The following FARP1 variants were observed in gnomAD, a reference collection of about 807,000 sequenced individuals.
FARP1 encodes the protein FERM, ARHGEF and pleckstrin domain-containing protein 1.
FARP1 carries 52 observed loss-of-function variants against 128.8 expected under a neutral mutation model. The ratio of observed to expected loss-of-function variants is 0.40; its 90% confidence interval spans 0.32 to 0.51. The LOEUF (loss-of-function observed/expected upper bound fraction) is 0.51. Among genes scored for constraint, FARP1 ranks in the 20% least tolerant of loss-of-function variants. The pLI is 0.45. For missense variants in FARP1, 1,333 were observed against 1,367.9 expected (o/e 0.97, Z 0.40); for synonymous variants, 580 against 551.8 (o/e 1.05, Z -0.72).
chr13:98,318,476 G>T (rs570927197), intron 2 of FARP1, among the ~76,000 whole-genome samples: 1 of 152,168 alleles, frequency 6.6e-6, no homozygotes, highest in Non-Finnish European at 1.5e-5. Context: ...TTAGGACTTC[G>T]ACCTGTAAAT....
intron 2 of FARP1, among the ~76,000 whole-genome samples, chr13:98,240,340 C>G (rs1341882407): frequency 6.6e-6 from 1 of 152,010 alleles, no homozygotes; most frequent in Non-Finnish European, 1.5e-5. Context: ...GGGAGTCTTG[C>G]CTGCGTGGTG....
intron 16 of FARP1, among the ~76,000 whole-genome samples, chr13:98,414,605 T>C (rs1891309179): frequency 6.6e-6 from 1 of 152,206 alleles, no homozygotes; most frequent in South Asian, 2.1e-4. Flanking sequence ...AGCCCTGTTA[T>C]ATCAGAGTCT....
intron 2 of FARP1, among the ~76,000 whole-genome samples, chr13:98,309,137 A>ATTAATT: frequency 7.1e-6 from 1 of 140,774 alleles, no homozygotes; most frequent in South Asian, 2.3e-4. Context: ...ATATATTAAT[A>ATTAATT]TTAATTTTAA....
intron 1 of FARP1, among the ~76,000 whole-genome samples, chr13:98,194,364 G>A (rs767374522): frequency 6.6e-6 from 1 of 152,148 alleles, no homozygotes; most frequent in Non-Finnish European, 1.5e-5. Context: ...TGATCCACCC[G>A]CCTCGGCCTC....
At chr13:98,147,690 GA>G (rs1034144369) in intron 1 of FARP1, among the ~76,000 whole-genome samples, 15 of 151,472 alleles carry the variant, frequency 9.9e-5, no homozygotes, top group East Asian at 1.9e-4. Context: ...TTTTCTTTTT[GA>G]AAAAAACTCG....
intron 2 of FARP1, among the ~76,000 whole-genome samples, chr13:98,303,572 C>A (rs1886008896): frequency 6.6e-6 from 1 of 152,158 alleles, no homozygotes; most frequent in African/African-American, 2.4e-5. Flanking sequence ...AAATTAAGTC[C>A]TCTCTGAACC....
At chr13:98,399,685 A>G (rs1234160087) in intron 13 of FARP1, 2 of 152,192 alleles carry the variant, frequency 1.3e-5, no homozygotes, top group African/African-American at 2.4e-5. Context: ...CCAGCCACTC[A>G]CTGGCTGCTC....
chr13:98,283,915 C>G (rs560841109), intron 2 of FARP1, among the ~76,000 whole-genome samples: 3 of 152,266 alleles, frequency 2.0e-5, no homozygotes, highest in African/African-American at 7.2e-5. Flanking sequence ...AGGTTGTGTC[C>G]TTTAAATCTA....
rs1893266506 is a variant in FARP1 at position 98,452,954 on chromosome 13, C to T, written c.*4637C>T. ...AAGTAATAAAATAAAATAAAATGATCGCTGGAAGGAGCTGACCCTCCCCAC... is the reference window on the plus strand; with the variant it reads ...AAGTAATAAAATAAAATAAAATGATTGCTGGAAGGAGCTGACCCTCCCCAC... On this transcript the variant is annotated 3_prime_UTR_variant, in exon 27 of 27. Coordinates refer to ENST00000319562, the MANE Select transcript of FARP1 (RefSeq NM_005766.4). 2.9e-5 allele frequency: 13 copies of T among 449,168 alleles called. No individual in the cohort carries two copies. The highest frequency in any genetic ancestry group is 1.3e-4 in the East Asian group (4 of 29,662). The allele number at this position is 449,168 out of a possible 1,614,324, so 27.8% of individuals were successfully genotyped here.
chr13:98,426,055 A>G (rs1256160567), intron 17 of FARP1, among the ~76,000 whole-genome samples: 1 of 152,170 alleles, frequency 6.6e-6, no homozygotes, highest in Admixed American at 6.5e-5. Flanking sequence ...CAATCCATCC[A>G]TCCACCTGTC....
At chr13:98,243,355 C>T (rs1882879952) in intron 2 of FARP1, among the ~76,000 whole-genome samples, 1 of 152,060 alleles carries the variant, frequency 6.6e-6, no homozygotes, top group African/African-American at 2.4e-5. Flanking sequence ...GATGGAAAGT[C>T]AGTTATGAAG....
chr13:98,143,821 C>G (rs1413112539), intron 1 of FARP1, among the ~76,000 whole-genome samples: 13 of 151,834 alleles, frequency 8.6e-5, no homozygotes, highest in African/African-American at 2.4e-4. Context: ...GCCCTTCCCC[C>G]GTTTCCTTCC....
chr13:98,191,362 T>C (rs1833977353), intron 1 of FARP1, among the ~76,000 whole-genome samples: 1 of 152,108 alleles, frequency 6.6e-6, no homozygotes, highest in African/African-American at 2.4e-5. Context: ...TAAATAGCAG[T>C]TAGGTCTTGT....
chr13:98,333,478 C>CACAA (rs1555338443), intron 2 of FARP1: 2 of 148,270 alleles, frequency 1.3e-5, no homozygotes, highest in South Asian at 2.1e-4. Context: ...CACACACACA[C>CACAA]AAAATCTATC....
chr13:98,428,572 A>G (rs545872125), intron 17 of FARP1, among the ~76,000 whole-genome samples: 12 of 152,298 alleles, frequency 7.9e-5, no homozygotes, highest in Admixed American at 2.6e-4. Context: ...TGGTTTCTCT[A>G]TGGTTTGGAG....
chr13:98,286,205 C>A (rs1316147058), intron 2 of FARP1, among the ~76,000 whole-genome samples: 1 of 152,152 alleles, frequency 6.6e-6, no homozygotes, highest in Non-Finnish European at 1.5e-5. Flanking sequence ...ATCTTGTGAT[C>A]CTGCGTCTCG....
chr13:98,193,978 CTGTT>C (rs763056446), intron 1 of FARP1, among the ~76,000 whole-genome samples: 2 of 152,000 alleles, frequency 1.3e-5, no homozygotes, highest in South Asian at 2.1e-4. Context: ...AGTTCATTGC[CTGTT>C]TATTTTCTAG....
chr13:98,370,550 C>T (rs1053618703), intron 5 of FARP1, among the ~76,000 whole-genome samples: 1 of 118,482 alleles, frequency 8.4e-6, no homozygotes, highest in African/African-American at 3.5e-5. Flanking sequence ...GGAGAGGGGG[C>T]ACTTAGATTT....
chr13:98,401,678 A>G (rs1396523897), intron 13 of FARP1: 3 of 151,684 alleles, frequency 2.0e-5, no homozygotes, highest in Non-Finnish European at 4.4e-5. Flanking sequence ...ACTTCATAAA[A>G]TAAACTGCAC....
Sources: allele counts gnomAD v4.1 joint callset (sites outside exome capture counted in the v4.1 genomes callset), GRCh38; gene constraint gnomAD v4.1.1; transcripts MANE v1.5; gene names NCBI Gene and HGNC (gene_info 2026-07-23, HGNC 2026-07-21).